Variants in NRXN1 observed in about 807,000 individuals in gnomAD.
The protein encoded by NRXN1 is neurexin 1.
NRXN1 carries 39 observed loss-of-function variants against 150.9 expected under a neutral mutation model. The ratio of observed to expected loss-of-function variants is 0.26; its 90% CI spans 0.20 to 0.34. The LOEUF (loss-of-function observed/expected upper bound fraction) is 0.34, where lower values mean the gene tolerates loss of function less well. Among genes scored for constraint, NRXN1 ranks in the 10% least tolerant of loss-of-function variants. The pLI is 1.00. For synonymous variants in NRXN1, 924 were observed against 757.0 expected, an observed-to-expected ratio of 1.22 and a Z score of -3.62; for missense variants, 1,815 against 1,949.9, an observed-to-expected ratio of 0.93 and a Z score of 1.30.
chr2:50,357,306 T>TTTATTTA lies in NRXN1; in HGVS notation c.3364+108135_3364+108136insTAAATAA, dbSNP rs1558590722. 4.9e-3 allele frequency among the ~76,000 whole-genome samples: 650 copies of TTTATTTA among 131,410 alleles called. 2 individuals are homozygous for TTTATTTA. Among genetic ancestry groups the TTTATTTA allele is most frequent in the African/African-American group, 0.016 (616 of 38,052 alleles). 86.2% of individuals were successfully genotyped at this position (131,410 alleles called of 152,430 possible). On this transcript the variant is annotated intron_variant, in intron 17 of 22. Transcript: ENST00000401669. ...AATACATTTATTTATTTATTTATTTTTTTTTTTATTTATTATTTTGAGACA... is the reference window on the plus strand; with the variant it reads ...AATACATTTATTTATTTATTTATTTTTTATTTATTTTTTTATTTATTATTTTGAGACA...
At chr2:50,613,756 G>A (rs1221487127) in intron 8 of NRXN1, among the ~76,000 whole-genome samples, 1 of 152,140 alleles carries the variant, frequency 6.6e-6, no homozygotes, top group Non-Finnish European at 1.5e-5. Context: ...GGCTAACATG[G>A]TGAAACCCTG....
chr2:50,635,979 G>T (rs898290290), intron 5 of NRXN1, among the ~76,000 whole-genome samples: 4 of 152,088 alleles, frequency 2.6e-5, no homozygotes, highest in African/African-American at 7.2e-5. Flanking sequence ...TAGATATTAT[G>T]ATCATTATTA....
At chr2:50,300,579 T>A (rs2074054042) in intron 17 of NRXN1, among the ~76,000 whole-genome samples, 1 of 152,218 alleles carries the variant, frequency 6.6e-6, no homozygotes, top group African/African-American at 2.4e-5. Flanking sequence ...CCCTTGCAGC[T>A]AAGTGTGACC....
chr2:50,558,581 G>C (rs959911830), intron 8 of NRXN1, among the ~76,000 whole-genome samples: 1 of 152,150 alleles, frequency 6.6e-6, no homozygotes, highest in Non-Finnish European at 1.5e-5. Context: ...TCCAGTTATA[G>C]CAGAGGGCCT....
Position 49,919,621 on chromosome 2 carries a change from G to T in NRXN1, c.*2323C>A, listed in dbSNP as rs528810486. On this transcript the variant is annotated 3_prime_UTR_variant, in exon 23 of 23. Coordinates refer to ENST00000401669, the MANE Select transcript of NRXN1 (RefSeq NM_001330078.2). The stretch of plus-strand genomic sequence containing the variant: ...TTACACTTCCCTTCTTATTTAACTG[G>T]CTTTCCCTGAGTAAGACTGAATGAG... 2 of 151,522 alleles carry T rather than the reference G, an allele frequency of 1.3e-5. No homozygotes were observed. Among genetic ancestry groups the T allele is most frequent in the Admixed American group, 1.3e-4 (2 of 15,234 alleles). 9.4% of individuals were successfully genotyped at this position (151,522 alleles called of 1,614,324 possible). A position where few individuals can be genotyped will look rare whatever the true frequency, so the allele number is the denominator to read the frequency against.
chr2:50,590,333 A>C (rs1052443404), intron 8 of NRXN1, among the ~76,000 whole-genome samples: 3 of 152,180 alleles, frequency 2.0e-5, no homozygotes, highest in African/African-American at 7.2e-5. Flanking sequence ...TGTTTGATGT[A>C]GCTCTATACA....
chr2:50,793,213 G>A (rs1035766185), intron 5 of NRXN1, among the ~76,000 whole-genome samples: 1 of 152,060 alleles, frequency 6.6e-6, no homozygotes, highest in African/African-American at 2.4e-5. Flanking sequence ...TTTCTTAAGA[G>A]TAATGTTAGA....
rs528115839 is a variant in NRXN1, at chr2:50,176,817, TTTGTA to T, written c.3546+59967_3546+59971del. The stretch of plus-strand genomic sequence containing the variant: ...AAATCACTGCTCTGGCTTGCTTTAG[TTTGTA>T]ACATTAAGGCTCTGTTTCCTAGAAA... On this transcript the variant is annotated intron_variant, in intron 18 of 22. Transcript: ENST00000401669. 1.4e-4 allele frequency among the ~76,000 whole-genome samples: 22 copies of T among 152,224 alleles called. No individual in the cohort carries two copies. In the South Asian group the frequency reaches 4.1e-3, roughly 29 times the overall value.
At chr2:50,701,277 C>T (rs547022448) in intron 5 of NRXN1, among the ~76,000 whole-genome samples, 13 of 152,070 alleles carry the variant, frequency 8.5e-5, no homozygotes, top group Non-Finnish European at 1.5e-4. Context: ...CCCACAAACC[C>T]GTCTAAAACA....
chr2:50,808,637 A>G (rs1161820390), intron 5 of NRXN1, among the ~76,000 whole-genome samples: 1 of 152,130 alleles, frequency 6.6e-6, no homozygotes, highest in Non-Finnish European at 1.5e-5. Flanking sequence ...CAATCTAAGC[A>G]TAGTGTTTTC....
chr2:50,171,832 T>C (rs2060050379), intron 18 of NRXN1, among the ~76,000 whole-genome samples: 1 of 152,162 alleles, frequency 6.6e-6, no homozygotes, highest in Admixed American at 6.6e-5. Context: ...AGGCGACCAC[T>C]GGTGCCCTCC....
chr2:50,377,727 G>A (rs191632262), intron 17 of NRXN1, among the ~76,000 whole-genome samples: 131 of 152,122 alleles, frequency 8.6e-4, no homozygotes, highest in African/African-American at 2.7e-3. Context: ...CTGTCACTAC[G>A]TACTTATGAA....
At chr2:50,819,845 C>A (rs567124961) in intron 5 of NRXN1, among the ~76,000 whole-genome samples, 1 of 152,154 alleles carries the variant, frequency 6.6e-6, no homozygotes, top group South Asian at 2.1e-4. Flanking sequence ...TAAATCCCAA[C>A]ATATTGGTAC....
chr2:50,062,998 T>G (rs1694784613), intron 19 of NRXN1, among the ~76,000 whole-genome samples: 1 of 152,214 alleles, frequency 6.6e-6, no homozygotes, highest in African/African-American at 2.4e-5. Context: ...AAAAGGATTC[T>G]GAAAGTCATC....
Position 50,890,739 on chromosome 2 carries a change from T to A in NRXN1, c.832+31130A>T, listed in dbSNP as rs142669660. 2.6e-3 allele frequency among the ~76,000 whole-genome samples: 388 copies of A among 152,000 alleles called. 1 individual carries two copies. Among genetic ancestry groups the A allele is most frequent in the Non-Finnish European group, 3.8e-3 (255 of 67,862 alleles). On this transcript the variant is annotated intron_variant, in intron 5 of 22. Transcript: ENST00000401669. ...AAAACAAAAAACATGAACAGAAACCTACACTGAAAAATTCATTTAATTATC... is the reference window on the plus strand; with the variant it reads ...AAAACAAAAAACATGAACAGAAACCAACACTGAAAAATTCATTTAATTATC...
chr2:50,939,404 A>G (rs985645319), intron 2 of NRXN1, among the ~76,000 whole-genome samples: 3 of 151,972 alleles, frequency 2.0e-5, no homozygotes, highest in Admixed American at 2.0e-4. Flanking sequence ...TTTGTTTACA[A>G]TCTAAAAATC....
intron 21 of NRXN1, among the ~76,000 whole-genome samples, chr2:49,945,454 TGTATACAC>T (rs1672725411): frequency 6.6e-6 from 1 of 151,788 alleles, no homozygotes; most frequent in South Asian, 2.1e-4. Context: ...AGGTTACATA[TGTATACAC>T]GTGCCATGGT....
intron 12 of NRXN1, among the ~76,000 whole-genome samples, chr2:50,520,665 A>G (rs1036806947): frequency 3.3e-5 from 5 of 152,010 alleles, no homozygotes; most frequent in African/African-American, 1.2e-4. Context: ...TTGATTGCAT[A>G]AAGAATTTCT....
At chr2:50,759,608 G>C (rs1040502856) in intron 5 of NRXN1, among the ~76,000 whole-genome samples, 3 of 151,864 alleles carry the variant, frequency 2.0e-5, no homozygotes, top group African/African-American at 7.3e-5. Context: ...GAGAGCGCAA[G>C]ACATAAGTTA....
Sources: gnomAD v4.1 joint callset for allele counts (sites outside exome capture counted in the v4.1 genomes callset) on GRCh38, gnomAD v4.1.1 for gene constraint, MANE v1.5 for transcripts, NCBI Gene and HGNC (gene_info 2026-07-23, HGNC 2026-07-21) for gene names.